Variants in WNT5A observed in about 807,000 individuals in gnomAD.
WNT5A encodes the protein protein Wnt-5a.
A neutral mutation model predicts 42.1 loss-of-function variants in WNT5A; 9 were observed. The ratio of observed to expected loss-of-function variants is 0.21; its 90% CI spans 0.13 to 0.37. The LOEUF (loss-of-function observed/expected upper bound fraction) is 0.37, where lower values mean the gene tolerates loss of function less well. WNT5A is among the 10% of genes least tolerant of loss of function. The pLI, the probability that WNT5A is intolerant of heterozygous loss-of-function variation, is 1.00. For missense variants in WNT5A, 426 were observed against 534.0 expected (o/e 0.80, Z 1.99); for synonymous variants, 210 against 210.0 (o/e 1.00, Z 0.00).
In WNT5A at chr3:55,470,469, G is replaced by A. The variant is rs529383828; in HGVS notation, c.766C>T (p.Leu256=). The A allele has an allele frequency of 1.9e-6, 3 of 1,608,784 alleles. No homozygotes were observed. Among genetic ancestry groups the A allele is most frequent in the African/African-American group, 2.7e-5 (2 of 74,986 alleles). Residue 256 remains leucine (L), a synonymous_variant, in exon 5 of 5, where the codon CTG becomes TTG. Transcript: ENST00000264634. ...SCSLKTCWLQ[L]ADFRKVGDAL... ...TCACCCACCTTGCGGAAGTCTGCCA[G>A]CTGCAGCCAGCATGTCTTCAGGCTA...
At chr3:55,498,716 C>T in the WNT5A span, among the ~76,000 whole-genome samples, 17 of 152,060 alleles carry the variant, frequency 1.1e-4, no homozygotes, top group Non-Finnish European at 1.6e-4. Flanking sequence ...TGACTCAGGT[C>T]GGGCCCATCA....
chr3:55,472,265 C>G (rs905528880), intron 4 of WNT5A, among the ~76,000 whole-genome samples: 1 of 152,152 alleles, frequency 6.6e-6, no homozygotes, highest in African/African-American at 2.4e-5. Context: ...CCTCTCTTGC[C>G]ACTTGGAAAT....
the WNT5A span, among the ~76,000 whole-genome samples, chr3:55,499,972 C>T: frequency 1.3e-5 from 1 of 75,694 alleles, no homozygotes; most frequent in Non-Finnish European, 2.6e-5. Flanking sequence ...GAGACTCCAT[C>T]CCCCCTCCAA....
chr3:55,480,947 T>C, intron 1 of WNT5A, 29 bp from the exon 2 acceptor site: 2 of 1,454,310 alleles, frequency 1.4e-6, no homozygotes. Flanking sequence ...AGCAGATGTT[T>C]ATTGCCTCTC....
intron 4 of WNT5A, among the ~76,000 whole-genome samples, chr3:55,471,429 T>A (rs1441508493): frequency 6.6e-6 from 1 of 152,230 alleles, no homozygotes; most frequent in African/African-American, 2.4e-5. Context: ...ACCCTTGAAT[T>A]CAGACAACAG....
At position 55,474,672 on chromosome 3, in the gene WNT5A, G is replaced by A. The variant is rs1320570532; in HGVS notation, c.392-43C>T. On this transcript the variant is annotated intron_variant, in intron 3 of 4. Transcript: ENST00000264634. ...GGATCACTGGCCGCCTGCCTCACGC[G>A]CTGGGCCGGGATGCTGCCGGGGGTG... 1.6e-5 allele frequency: 22 copies of A among 1,340,998 alleles called. No homozygotes were observed. In the South Asian group the frequency reaches 2.6e-4, roughly 16 times the overall value. 83.1% of individuals were successfully genotyped at this position (1,340,998 alleles called of 1,614,324 possible).
At position 55,474,411 on chromosome 3, in the gene WNT5A, G is replaced by A; in HGVS notation, c.610C>T (p.Arg204Cys). 1 of 1,611,962 alleles carries A rather than the reference G, an allele frequency of 6.2e-7. No homozygotes were observed. The highest frequency in any genetic ancestry group is 2.2e-5 in the East Asian group (1 of 44,698). The change falls in exon 4 of 5, where the codon CGC (arginine) becomes TGC (cysteine). Residue 204 changes from arginine to cysteine, a missense_variant. Transcript: ENST00000264634. ...KEFVDARERE[R>C]IHAKGSYESA... ...TCGTAGGAGCCCTTGGCGTGGATGCGCTCCCGCTCGCGGGCGTCCACGAAC... is the reference window on the plus strand; with the variant it reads ...TCGTAGGAGCCCTTGGCGTGGATGCACTCCCGCTCGCGGGCGTCCACGAAC...
At chr3:55,471,701 C>T (rs2051255203) in intron 4 of WNT5A, among the ~76,000 whole-genome samples, 1 of 152,224 alleles carries the variant, frequency 6.6e-6, no homozygotes, top group African/African-American at 2.4e-5. Flanking sequence ...GGGTCTGGCC[C>T]TATAACACTG....
the WNT5A span, among the ~76,000 whole-genome samples, chr3:55,500,017 A>C: frequency 6.6e-6 from 1 of 151,394 alleles, no homozygotes; most frequent in East Asian, 1.9e-4. Context: ...TAAATTAACT[A>C]GATTTTTCCT....
At chr3:55,484,469 G>A (rs2051534142) in intron 1 of WNT5A, among the ~76,000 whole-genome samples, 1 of 152,184 alleles carries the variant, frequency 6.6e-6, no homozygotes. Flanking sequence ...GCGCGGAGCG[G>A]GGTAGGGGAG....
chr3:55,466,467 T>C lies in WNT5A; in HGVS notation c.*3625A>G, dbSNP rs749515648. The C allele has an allele frequency of 2.0e-5, 3 of 152,204 alleles. No individual in the cohort carries two copies. Among genetic ancestry groups the C allele is most frequent in the Non-Finnish European group, 4.4e-5 (3 of 68,026 alleles). The allele number at this position is 152,204 out of a possible 1,614,324, so 9.4% of individuals were successfully genotyped here. The stretch of plus-strand genomic sequence containing the variant: ...TGTAAAAACAAATTGAAACTTGGTA[T>C]TGGCAAAATTGTACGAGAAAAGAGC... On this transcript the variant is annotated 3_prime_UTR_variant, in exon 5 of 5. Transcript: ENST00000264634.
Position 55,470,124 on chromosome 3 carries a change from T to C in WNT5A, c.1111A>G (p.Thr371Ala), listed in dbSNP as rs761800959. The C allele has an allele frequency of 2.5e-6, 4 of 1,614,036 alleles. No individual in the cohort carries two copies. The highest frequency in any genetic ancestry group is 3.3e-5 in the Admixed American group (2 of 60,018). The change falls in exon 5 of 5, where the codon ACG becomes GCG. Residue 371 changes from threonine (T) to alanine (A), a missense_variant. Coordinates refer to ENST00000264634, the MANE Select transcript of WNT5A (RefSeq NM_003392.7). ...CACACAAACTGGTCCACGATCTCCG[T>C]GCACTTCTTGCACTTGACGTAGCAG... Reference protein sequence around the residue: ...WCCYVKCKKCTEIVDQFVCK With the variant: ...WCCYVKCKKCAEIVDQFVCK
chr3:55,498,797 T>C, the WNT5A span, among the ~76,000 whole-genome samples: 1 of 151,752 alleles, frequency 6.6e-6, no homozygotes, highest in African/African-American at 2.4e-5. Flanking sequence ...AATAGAGACA[T>C]AGGGGAGCCA....
At chr3:55,484,656 C>A (rs1340471247) in intron 1 of WNT5A, among the ~76,000 whole-genome samples, 3 of 150,880 alleles carry the variant, frequency 2.0e-5, no homozygotes, top group African/African-American at 7.3e-5. Flanking sequence ...CTCGTCCATC[C>A]CTTAGACTGG....
At chr3:55,476,068 G>T (rs1472828967) in intron 3 of WNT5A, among the ~76,000 whole-genome samples, 1 of 152,160 alleles carries the variant, frequency 6.6e-6, no homozygotes, top group Non-Finnish European at 1.5e-5. Context: ...TTGAGAGCTT[G>T]CTAACAATCT....
chr3:55,474,010 GA>G (rs1185348196), intron 4 of WNT5A, among the ~76,000 whole-genome samples: 5 of 152,168 alleles, frequency 3.3e-5, no homozygotes, highest in Non-Finnish European at 7.3e-5. Context: ...ATCCGCCCAG[GA>G]GGCCCTTCTG....
chr3:55,479,417 G>A lies in WNT5A; in HGVS notation c.288C>T (p.Gly96=), dbSNP rs751531191. 18 of 1,613,830 alleles carry A rather than the reference G, an allele frequency of 1.1e-5. No homozygotes were observed. The highest frequency in any genetic ancestry group is 4.0e-5 in the African/African-American group (3 of 74,918). ...GGCATTCTTTGATGCCTGTCTTCGC[G>A]CCTTCTCCGATGTACTGCATGTGGT... ...YQDHMQYIGE[G]AKTGIKECQY... The change falls in exon 3 of 5, where the codon GGC becomes GGT. Residue 96 remains glycine (G), a synonymous_variant. Transcript: ENST00000264634.
At chr3:55,500,617 G>A in the WNT5A span, among the ~76,000 whole-genome samples, 5 of 152,160 alleles carry the variant, frequency 3.3e-5, no homozygotes, top group African/African-American at 9.7e-5. Context: ...GCAGAGACAG[G>A]GCTCAAACCT....
At position 55,474,526 on chromosome 3, in the gene WNT5A, G is replaced by A; in HGVS notation, c.495C>T (p.Ser165=). 6.4e-7 allele frequency: 1 copy of A among 1,562,974 alleles called. No individual in the cohort carries two copies. The highest frequency in any genetic ancestry group is 1.2e-5 in the South Asian group (1 of 85,294). Reference sequence around the variant, plus strand: ...GCAGGTCCTTGGGGCGCGCGGCGCGGCTGCAGCCGCAGGTGGACAGCTCGC... The same window carrying A: ...GCAGGTCCTTGGGGCGCGCGGCGCGACTGCAGCCGCAGGTGGACAGCTCGC... ...REGELSTCGC[S]RAARPKDLPR... The change falls in exon 4 of 5, where the codon AGC becomes AGT. Residue 165 remains serine (S), a synonymous_variant. Coordinates refer to ENST00000264634, the MANE Select transcript of WNT5A (RefSeq NM_003392.7).
Sources: gnomAD v4.1 joint callset for allele counts (sites outside exome capture counted in the v4.1 genomes callset) on GRCh38, gnomAD v4.1.1 for gene constraint, MANE v1.5 for transcripts, NCBI Gene and HGNC (gene_info 2026-07-23, HGNC 2026-07-21) for gene names.